MAB21L3: variants seen among roughly 807,000 people sequenced by gnomAD.
The protein encoded by MAB21L3 is protein mab-21-like 3.
In MAB21L3, 36 loss-of-function variants were observed where a neutral mutation model predicts 37.7. That is an observed-to-expected ratio of 0.96 (90% CI 0.73 to 1.26). The LOEUF is 1.26. Ranked by LOEUF, MAB21L3 falls within the 50% of genes most tolerant of loss-of-function variation. MAB21L3 has a pLI of 0.00. For missense variants in MAB21L3, 430 were observed against 447.3 expected, an observed-to-expected ratio of 0.96 and a Z score of 0.35; for synonymous variants, 186 against 176.8, an observed-to-expected ratio of 1.05 and a Z score of -0.41.
At chr1:116,115,982 G>C in intron 3 of MAB21L3, among the ~76,000 whole-genome samples, 1 of 152,182 alleles carries the variant, frequency 6.6e-6, no homozygotes, top group East Asian at 1.9e-4. Context: ...GCTGCAACTG[G>C]TATCTTGCTG....
intron 3 of MAB21L3, among the ~76,000 whole-genome samples, chr1:116,116,974 A>G (rs1659604133): frequency 6.6e-6 from 1 of 152,012 alleles, no homozygotes; most frequent in Non-Finnish European, 1.5e-5. Context: ...TGAGGGCACA[A>G]TTTGTAGAAT....
rs1016102690 is a variant in MAB21L3, at chr1:116,137,831, G to A, written c.*4466G>A. ...AGTTCATGTCCTTTGTAGGGACATG[G>A]GTGAAATTGGAAATCATCATTCTCA... On this transcript the variant is annotated 3_prime_UTR_variant, in exon 8 of 8. Transcript: ENST00000369500. 6.6e-6 allele frequency among the ~76,000 whole-genome samples: 1 copy of A among 151,550 alleles called. No individual in the cohort carries two copies. Among genetic ancestry groups the A allele is most frequent in the Non-Finnish European group, 1.5e-5 (1 of 67,914 alleles).
chr1:116,123,711 A>G (rs753930714), intron 4 of MAB21L3, among the ~76,000 whole-genome samples: 2 of 152,220 alleles, frequency 1.3e-5, no homozygotes, highest in African/African-American at 2.4e-5. Flanking sequence ...GGTCAAATGC[A>G]TTAGAATTAC....
rs1250849721 is a variant in MAB21L3, at chr1:116,135,547, G to T, written c.*2182G>T. On this transcript the variant is annotated 3_prime_UTR_variant, in exon 8 of 8. Transcript: ENST00000369500. The stretch of plus-strand genomic sequence containing the variant: ...GATTCACAGCCGAATTCTACCAGAG[G>T]TACAAGGAGGAACTAGTACCATTCC... Among the ~76,000 whole-genome samples, 1 of 152,126 alleles carries T rather than the reference G, an allele frequency of 6.6e-6. No homozygotes were observed. Among genetic ancestry groups the T allele is most frequent in the Admixed American group, 6.5e-5 (1 of 15,278 alleles).
chr1:116,123,602 G>A (rs1659813331), intron 4 of MAB21L3, among the ~76,000 whole-genome samples: 1 of 152,220 alleles, frequency 6.6e-6, no homozygotes, highest in South Asian at 2.1e-4. Flanking sequence ...TACTGGTTGT[G>A]TGTCCCTGAG....
In MAB21L3 at chr1:116,136,420, A is replaced by C. The variant is rs1202303727; in HGVS notation, c.*3055A>C. Among the ~76,000 whole-genome samples, 1 of 151,854 alleles carries C rather than the reference A, an allele frequency of 6.6e-6. No individual in the cohort carries two copies. Among genetic ancestry groups the C allele is most frequent in the Admixed American group, 6.6e-5 (1 of 15,262 alleles). ...TACTTAGGAATCCAACTTACAAGGG[A>C]CGTGAAGGACCTCTTCAAGGAGAAC... On this transcript the variant is annotated 3_prime_UTR_variant, in exon 8 of 8. Transcript: ENST00000369500.
In MAB21L3 at chr1:116,124,341, AACCTGTC is replaced by A; in HGVS notation, c.470_476del (p.Cys157SerfsTer8). The A allele has an allele frequency of 6.2e-7, 1 of 1,613,184 alleles. No homozygotes were observed. The highest frequency in any genetic ancestry group is 2.2e-5 in the East Asian group (1 of 44,884). On this transcript the variant is annotated frameshift_variant, in exon 5 of 8. Coordinates refer to ENST00000369500, the MANE Select transcript of MAB21L3 (RefSeq NM_152367.3). LOFTEE classifies it high-confidence loss of function. ...GGAAGCTGGTGGAAAATGCAGTTAG[AACCTGTC>A]ACCTCTCAGGTGAGCTGATCAGGAA...
At chr1:116,124,392 C>T in intron 5 of MAB21L3, 35 bp downstream of exon 5, 2 of 1,576,204 alleles carry the variant, frequency 1.3e-6, no homozygotes, top group East Asian at 2.2e-5. Flanking sequence ...AGGGTAATTG[C>T]TGGCATTCCC....
chr1:116,121,106 A>G (rs1168483952), intron 4 of MAB21L3, 34 bp downstream of exon 4: 3 of 1,600,084 alleles, frequency 1.9e-6, no homozygotes, highest in Non-Finnish European at 2.6e-6. Flanking sequence ...AGTGCCACCA[A>G]CAGAGCCAGG....
At chr1:116,126,615 T>C (rs2101616417) in intron 5 of MAB21L3, among the ~76,000 whole-genome samples, 1 of 152,258 alleles carries the variant, frequency 6.6e-6, no homozygotes, top group East Asian at 1.9e-4. Context: ...GCTGATGCTG[T>C]CCCTAACCAG....
intron 6 of MAB21L3, 109 bp downstream of exon 6, chr1:116,127,753 A>G: frequency 1.7e-6 from 2 of 1,199,924 alleles, no homozygotes; most frequent in East Asian, 2.6e-5. Context: ...AGGTGTTACT[A>G]GATCAGCAGT....
chr1:116,130,122 C>T (rs1047669405), intron 7 of MAB21L3, among the ~76,000 whole-genome samples: 1 of 152,238 alleles, frequency 6.6e-6, no homozygotes, highest in Admixed American at 6.5e-5. Context: ...TAACGATTGA[C>T]TTCATTACCT....
At chr1:116,123,928 G>A in intron 4 of MAB21L3, 138 bp from the exon 5 acceptor site, 2 of 776,644 alleles carry the variant, frequency 2.6e-6, no homozygotes, top group Non-Finnish European at 4.2e-6. Context: ...CCAGGTCGAG[G>A]TCTCCGTGTA....
chr1:116,126,654 A>T (rs10923975), intron 5 of MAB21L3, among the ~76,000 whole-genome samples: 3,224 of 152,314 alleles, frequency 0.021, 102 homozygotes, highest in African/African-American at 0.074. Flanking sequence ...AAGAGGGAAA[A>T]AAAATGGCAT....
At chr1:116,120,428 C>CACACACACACACACACAG (rs113760206) in intron 3 of MAB21L3, among the ~76,000 whole-genome samples, 1 of 149,612 alleles carries the variant, frequency 6.7e-6, no homozygotes, top group African/African-American at 2.5e-5. Flanking sequence ...CACACACACA[C>CACACACACACACACACAG]ACAAACACAC....
chr1:116,120,914 G>T lies in MAB21L3; in HGVS notation c.49-18G>T, dbSNP rs201165418. 960 of 1,613,354 alleles carry T rather than the reference G, an allele frequency of 6.0e-4. 7 individuals are homozygous for T. Among genetic ancestry groups the T allele is most frequent in the Middle Eastern group, 1.3e-3 (8 of 6,028 alleles). On this transcript the variant is annotated intron_variant, in intron 3 of 7. Transcript: ENST00000369500. ...CACAGAGGAAATAACCACCATTGCTGGTCCCTCTCACACCCAGGTGGACTT... is the reference window on the plus strand; with the variant it reads ...CACAGAGGAAATAACCACCATTGCTTGTCCCTCTCACACCCAGGTGGACTT...
At position 116,137,083 on chromosome 1, in the gene MAB21L3, A is replaced by G. The variant is rs1338877768; in HGVS notation, c.*3718A>G. Among the ~76,000 whole-genome samples, 2 of 98,134 alleles carry G rather than the reference A, an allele frequency of 2.0e-5. No individual in the cohort carries two copies. The highest frequency in any genetic ancestry group is 3.6e-5 in the Non-Finnish European group (2 of 55,412). The allele number at this position is 98,134 out of a possible 152,430, so 64.4% of individuals were successfully genotyped here. On this transcript the variant is annotated 3_prime_UTR_variant, in exon 8 of 8. Coordinates refer to ENST00000369500, the MANE Select transcript of MAB21L3 (RefSeq NM_152367.3). ...GGCATGGGCAAGGACTTCATGTCTA[A>G]AACACCAAAAGCAATGGCAACAAAA...
Position 116,124,199 on chromosome 1 carries a change from A to C in MAB21L3, c.323A>C (p.Glu108Ala). The change falls in exon 5 of 8, where the codon GAG (glutamate) becomes GCG (alanine). Residue 108 changes from glutamate to alanine, a missense_variant. Physicochemically the swap from Glu to Ala is moderately radical, Grantham distance 107 (BLOSUM62 -1). Transcript: ENST00000369500. ...TRLPCPLRDPEGLQQWLEVEQ... is the reference protein window; with the variant it reads ...TRLPCPLRDPAGLQQWLEVEQ... The stretch of plus-strand genomic sequence containing the variant: ...CTGCCCTGCCCGTTGCGGGACCCTG[A>C]GGGTCTGCAGCAGTGGCTGGAGGTG... The C allele has an allele frequency of 6.2e-7, 1 of 1,614,216 alleles. No homozygotes were observed. Among genetic ancestry groups the C allele is most frequent in the African/African-American group, 1.3e-5 (1 of 75,052 alleles).
chr1:116,127,277 T>G lies in MAB21L3; in HGVS notation c.482-189T>G, dbSNP rs112441154. ...CCGATGCTGGCTAGCTGACTAACCA[T>G]CTGGTTTTGATGTCAAAACCTTGAC... On this transcript the variant is annotated intron_variant, in intron 5 of 7. Coordinates refer to ENST00000369500, the MANE Select transcript of MAB21L3 (RefSeq NM_152367.3). Among the ~76,000 whole-genome samples, 3 of 152,196 alleles carry G rather than the reference T, an allele frequency of 2.0e-5. No homozygotes were observed. The East Asian group carries it at 5.8e-4, about 29-fold the overall frequency.
Sources: gnomAD v4.1 joint callset for allele counts (sites outside exome capture counted in the v4.1 genomes callset) on GRCh38, gnomAD v4.1.1 for gene constraint, MANE v1.5 for transcripts, NCBI Gene and HGNC (gene_info 2026-07-23, HGNC 2026-07-21) for gene names.